The following GMEB1 variants were observed in gnomAD, a reference collection of about 807,000 sequenced individuals.
GMEB1 encodes glucocorticoid modulatory element-binding protein 1.
Under a neutral mutation model 52.4 loss-of-function variants are expected in GMEB1, and 6 were observed. That is an observed-to-expected ratio of 0.11 (90% CI 0.06 to 0.23). The LOEUF (loss-of-function observed/expected upper bound fraction) is 0.23. Among genes scored for constraint, GMEB1 ranks in the 10% least tolerant of loss-of-function variants. The pLI is 1.00. For synonymous variants in GMEB1, 255 were observed against 244.9 expected (o/e 1.04, Z -0.38); for missense variants, 486 against 685.6 (o/e 0.71, Z 3.25).
chr1:28,695,974 A>AAAAAAT (rs1557511786), intron 5 of GMEB1, among the ~76,000 whole-genome samples: 8 of 117,702 alleles, frequency 6.8e-5, no homozygotes, highest in African/African-American at 1.9e-4. Context: ...AAAAAAAAAA[A>AAAAAAT]TTTTCAGATG....
chr1:28,687,042 A>C (rs1303075343), intron 2 of GMEB1, among the ~76,000 whole-genome samples: 3 of 152,016 alleles, frequency 2.0e-5, no homozygotes, highest in African/African-American at 7.2e-5. Flanking sequence ...TACTTATTAA[A>C]AGACAGATAG....
chr1:28,717,185 G>GTTTTTTTTTTTTTTTTTTTTTTT lies in GMEB1; in HGVS notation c.*2428_*2429insTTTTTTTTTTTTTTTTTTTTTTT. 7.2e-6 allele frequency: 1 copy of GTTTTTTTTTTTTTTTTTTTTTTT among 139,210 alleles called. No homozygotes were observed. 8.6% of individuals were successfully genotyped at this position (139,210 alleles called of 1,614,324 possible). A position where few individuals can be genotyped will look rare whatever the true frequency, so the allele number is the denominator to read the frequency against. ...AACCCTGTAACATGGTAAGGTTGCT[G>GTTTTTTTTTTTTTTTTTTTTTTT]TTTTTTTTTTTTTTTTCTTTTTGAG... On this transcript the variant is annotated 3_prime_UTR_variant, in exon 10 of 10. Coordinates refer to ENST00000373816, the MANE Select transcript of GMEB1 (RefSeq NM_001319674.2).
At chr1:28,706,140 C>T (rs944409601) in intron 8 of GMEB1, among the ~76,000 whole-genome samples, 9 of 149,524 alleles carry the variant, frequency 6.0e-5, no homozygotes, top group Non-Finnish European at 1.0e-4. Flanking sequence ...AGCGGAAGAG[C>T]GAGAGACTCC....
In GMEB1 at chr1:28,683,620, A is replaced by C. The variant is rs369332884; in HGVS notation, c.8A>C (p.Asn3Thr). 1.4e-5 allele frequency: 22 copies of C among 1,606,008 alleles called. No individual in the cohort carries two copies. In the African/African-American group the frequency reaches 3.0e-4, roughly 22 times the overall value. ...TCTGACTTCATGTGAAAGATGGCTA[A>C]TGCAGAAGTGAGTGTCCCAGTGGGG... is the stretch of plus-strand genomic sequence containing the variant. MA[N>T]AEVSVPVGDV... The change falls in exon 2 of 10, where the codon AAT becomes ACT. Residue 3 changes from asparagine (N) to threonine (T), a missense_variant. By Grantham distance (65) the Asn-to-Thr change is moderately conservative. Transcript: ENST00000373816.
In GMEB1 at chr1:28,694,756, C is replaced by A. The variant is rs549511575; in HGVS notation, c.440+1711C>A. On this transcript the variant is annotated intron_variant, in intron 5 of 9. Transcript: ENST00000373816. The stretch of plus-strand genomic sequence containing the variant: ...TCAGCTCACTGCAACTTCCGCCTCC[C>A]AGGTTCAAGTGATTCTCCTGCCTCA... Among the ~76,000 whole-genome samples the A allele has an allele frequency of 7.9e-5, 12 of 151,980 alleles. No individual in the cohort carries two copies. The South Asian group carries it at 2.5e-3, about 32-fold the overall frequency.
intron 2 of GMEB1, among the ~76,000 whole-genome samples, chr1:28,689,458 C>G (rs1669850799): frequency 1.3e-5 from 2 of 152,078 alleles, no homozygotes; most frequent in South Asian, 4.1e-4. Flanking sequence ...AACCCCATCT[C>G]TACTGAAAAT....
chr1:28,691,008 A>G (rs930982634), intron 3 of GMEB1, among the ~76,000 whole-genome samples: 3 of 148,610 alleles, frequency 2.0e-5, no homozygotes, highest in African/African-American at 7.5e-5. Context: ...AAAACCACCT[A>G]CACCAGGCGA....
chr1:28,705,241 A>T (rs1670694467), intron 8 of GMEB1, among the ~76,000 whole-genome samples: 1 of 151,396 alleles, frequency 6.6e-6, no homozygotes, highest in African/African-American at 2.4e-5. Context: ...ATATGAAAAA[A>T]AAAAAATTAG....
intron 6 of GMEB1, 81 bp downstream of exon 6, chr1:28,697,165 A>ATATATATG (rs1670249237): frequency 1.6e-5 from 1 of 61,642 alleles, no homozygotes; most frequent in South Asian, 4.9e-4. Context: ...GTGTGTACAT[A>ATATATATG]TATATATATA....
chr1:28,711,261 G>A (rs1466312745), intron 9 of GMEB1, among the ~76,000 whole-genome samples: 1 of 148,520 alleles, frequency 6.7e-6, no homozygotes, highest in Non-Finnish European at 1.5e-5. Context: ...ACTCCATCCT[G>A]AGGGACAAGA....
intron 3 of GMEB1, among the ~76,000 whole-genome samples, chr1:28,690,437 A>G (rs184086237): frequency 1.8e-4 from 27 of 152,196 alleles, no homozygotes; most frequent in Non-Finnish European, 1.5e-5. Context: ...CTTTTTGTCG[A>G]TAAAAATCCC....
In GMEB1 at chr1:28,690,190, A is replaced by C; in HGVS notation, c.211+4A>C. 1 of 1,101,820 alleles carries C rather than the reference A, an allele frequency of 9.1e-7. No individual in the cohort carries two copies. Among genetic ancestry groups the C allele is most frequent in the Non-Finnish European group, 1.3e-6 (1 of 756,686 alleles). 68.3% of individuals were successfully genotyped at this position (1,101,820 alleles called of 1,614,324 possible). A position where few individuals can be genotyped will look rare whatever the true frequency, so the allele number is the denominator to read the frequency against. On this transcript the variant is annotated splice_donor_region_variant and intron_variant, in intron 3 of 9. Transcript: ENST00000373816. ...CACAAAATTGAAGAAGGGATTGGTAAGGGTTTTTTTGTGTTTTTTTTTTTT... is the reference window on the plus strand; with the variant it reads ...CACAAAATTGAAGAAGGGATTGGTACGGGTTTTTTTGTGTTTTTTTTTTTT...
chr1:28,671,605 G>A lies in GMEB1; in HGVS notation c.-31+2766G>A, dbSNP rs1287428832. ...AAATGACAAAAATTAGATGGGCGTG[G>A]TGGAGCTAGTTGCCTGTGGTCCCAG... On this transcript the variant is annotated intron_variant, in intron 1 of 9. Coordinates refer to ENST00000373816, the MANE Select transcript of GMEB1 (RefSeq NM_001319674.2). Among the ~76,000 whole-genome samples, 3 of 152,144 alleles carry A rather than the reference G, an allele frequency of 2.0e-5. No individual in the cohort carries two copies. The East Asian group carries it at 5.8e-4, about 29-fold the overall frequency.
In GMEB1 at chr1:28,686,628, CAAAAAAAA is replaced by C. The variant is rs67007069; in HGVS notation, c.128+2900_128+2907del. Among the ~76,000 whole-genome samples the C allele has an allele frequency of 3.2e-4, 30 of 94,274 alleles. No homozygotes were observed. The East Asian group carries it at 8.7e-3, about 27-fold the overall frequency. The allele number at this position is 94,274 out of a possible 152,430, so 61.8% of individuals were successfully genotyped here. A position where few individuals can be genotyped will look rare whatever the true frequency, so the allele number is the denominator to read the frequency against. ...TGGGTGACAGAGTGAGATTCTGTCTCAAAAAAAAAAAAAAAAAAAGGACATTATTCATA... is the reference window on the plus strand; with the variant it reads ...TGGGTGACAGAGTGAGATTCTGTCTCAAAAAAAAAAAGGACATTATTCATA... On this transcript the variant is annotated intron_variant, in intron 2 of 9. Coordinates refer to ENST00000373816, the MANE Select transcript of GMEB1 (RefSeq NM_001319674.2).
intron 1 of GMEB1, among the ~76,000 whole-genome samples, chr1:28,669,663 G>C (rs1253998323): frequency 2.6e-5 from 4 of 152,094 alleles, no homozygotes; most frequent in Non-Finnish European, 2.9e-5. Context: ...CGAAAGAGCA[G>C]CGTCCAAACC....
At chr1:28,688,050 G>A (rs74396008) in intron 2 of GMEB1, among the ~76,000 whole-genome samples, 3 of 151,990 alleles carry the variant, frequency 2.0e-5, no homozygotes, top group Non-Finnish European at 4.4e-5. Context: ...TTTGGGAGGC[G>A]GAGGTGGGCA....
intron 8 of GMEB1, among the ~76,000 whole-genome samples, chr1:28,708,127 GT>G (rs535511081): frequency 2.8e-4 from 43 of 152,176 alleles, no homozygotes; most frequent in Non-Finnish European, 4.7e-4. Flanking sequence ...TCAAACTCCT[GT>G]GCTCAAGCAA....
At chr1:28,696,512 A>G (rs575340905) in intron 5 of GMEB1, among the ~76,000 whole-genome samples, 1 of 152,246 alleles carries the variant, frequency 6.6e-6, no homozygotes, top group African/African-American at 2.4e-5. Context: ...TATAACATAG[A>G]ATTTACTATA....
intron 8 of GMEB1, among the ~76,000 whole-genome samples, chr1:28,707,566 G>A (rs1284332533): frequency 6.6e-6 from 1 of 152,146 alleles, no homozygotes; most frequent in Non-Finnish European, 1.5e-5. Context: ...GAAAGATACC[G>A]GGATGATTCA....
Sources: gnomAD v4.1 joint callset for allele counts (sites outside exome capture counted in the v4.1 genomes callset) on GRCh38, gnomAD v4.1.1 for gene constraint, MANE v1.5 for transcripts, NCBI Gene and HGNC (gene_info 2026-07-23, HGNC 2026-07-21) for gene names.